The following SEMA3C variants were observed in gnomAD, a reference collection of about 807,000 sequenced individuals.
SEMA3C encodes the protein semaphorin 3C.
A neutral mutation model predicts 89.4 loss-of-function variants in SEMA3C; 47 were observed. That is an observed-to-expected ratio of 0.53 (90% CI 0.42 to 0.67). The LOEUF is 0.67. SEMA3C is among the 30% of genes least tolerant of loss of function. SEMA3C has a pLI of 0.00. For synonymous variants in SEMA3C, 310 were observed against 320.2 expected, an observed-to-expected ratio of 0.97 and a Z score of 0.34; for missense variants, 839 against 929.1, an observed-to-expected ratio of 0.90 and a Z score of 1.26.
At chr7:80,864,463 C>T (rs890277328) in intron 2 of SEMA3C, among the ~76,000 whole-genome samples, 3 of 151,902 alleles carry the variant, frequency 2.0e-5, no homozygotes, top group Admixed American at 6.6e-5. Flanking sequence ...AGTTTTTATT[C>T]AATATTTAAC....
At chr7:80,900,825 A>G (rs929140370) in intron 2 of SEMA3C, among the ~76,000 whole-genome samples, 18 of 152,382 alleles carry the variant, frequency 1.2e-4, no homozygotes, top group African/African-American at 4.1e-4. Context: ...ATTGTACAAC[A>G]CTATAAATAC....
intron 2 of SEMA3C, among the ~76,000 whole-genome samples, chr7:80,858,234 A>C (rs997135200): frequency 2.0e-5 from 3 of 152,128 alleles, no homozygotes; most frequent in Non-Finnish European, 4.4e-5. Flanking sequence ...ACTAGATCAC[A>C]GTTTCTTTGG....
chr7:80,754,734 A>G (rs12706974), intron 15 of SEMA3C, among the ~76,000 whole-genome samples: 58,395 of 151,820 alleles, frequency 0.38, 11,430 homozygotes, highest in East Asian at 0.48. Context: ...TTTTCATGAC[A>G]GAATTAAGGC....
At chr7:80,799,951 A>T (rs1336899216) in intron 10 of SEMA3C, among the ~76,000 whole-genome samples, 2 of 151,846 alleles carry the variant, frequency 1.3e-5, no homozygotes, top group Non-Finnish European at 2.9e-5. Context: ...GGAGATCAAG[A>T]CCATCCTGCC....
chr7:80,849,562 AAAAG>A (rs1299048000), intron 2 of SEMA3C, among the ~76,000 whole-genome samples: 3 of 152,198 alleles, frequency 2.0e-5, no homozygotes, highest in African/African-American at 7.2e-5. Flanking sequence ...TGAAGGATCA[AAAAG>A]AAAGAAAATA....
chr7:80,758,488 G>T lies in SEMA3C; in HGVS notation c.1486C>A (p.Gln496Lys), dbSNP rs762241082. 1 of 1,613,092 alleles carries T rather than the reference G, an allele frequency of 6.2e-7. No homozygotes were observed. Residue 496 changes from glutamine to lysine, a missense_variant and splice_region_variant, in exon 15 of 18, where the codon CAA becomes AAA. Coordinates refer to ENST00000265361, the MANE Select transcript of SEMA3C (RefSeq NM_006379.5). ...TCATTGGAACTCACATACAACTGTT[G>T]CTATTAAAGGAATGATGATGATTTA... ...ITTMKISSKK[Q>K]QLYVSSNEGV...
chr7:80,811,547 A>G lies in SEMA3C; in HGVS notation c.448-846T>C, dbSNP rs187294624. Among the ~76,000 whole-genome samples, 150 of 152,006 alleles carry G rather than the reference A, an allele frequency of 9.9e-4. 1 individual carries two copies. Among genetic ancestry groups the G allele is most frequent in the East Asian group, 3.9e-4 (2 of 5,066 alleles). On this transcript the variant is annotated intron_variant, in intron 5 of 17. Coordinates refer to ENST00000265361, the MANE Select transcript of SEMA3C (RefSeq NM_006379.5). ...TAGTACAAGCCCCCTACCAAAATTC[A>G]AAGTAAAAAAAAAATGACCATTTTA...
intron 15 of SEMA3C, among the ~76,000 whole-genome samples, chr7:80,753,919 TAG>T (rs910948331): frequency 6.3e-5 from 9 of 143,448 alleles, no homozygotes; most frequent in South Asian, 4.6e-4. Context: ...TATTGTTTAC[TAG>T]AGTTTTGTTT....
intron 16 of SEMA3C, among the ~76,000 whole-genome samples, chr7:80,750,103 A>G (rs912512690): frequency 6.6e-6 from 1 of 152,046 alleles, no homozygotes; most frequent in Non-Finnish European, 1.5e-5. Context: ...GAAAGCACAG[A>G]CTCAAAAGGA....
intron 5 of SEMA3C, among the ~76,000 whole-genome samples, chr7:80,812,166 T>C (rs1462356899): frequency 2.6e-5 from 4 of 152,122 alleles, no homozygotes; most frequent in Non-Finnish European, 5.9e-5. Context: ...AGCTAATACA[T>C]AGTTGTTTGA....
chr7:80,902,797 G>A (rs532010959), intron 2 of SEMA3C, among the ~76,000 whole-genome samples: 1 of 152,140 alleles, frequency 6.6e-6, no homozygotes, highest in African/African-American at 2.4e-5. Context: ...AGAGGCCCAT[G>A]GGTATTTACA....
intron 12 of SEMA3C, among the ~76,000 whole-genome samples, chr7:80,780,348 C>T (rs1359318672): frequency 6.6e-6 from 1 of 152,110 alleles, no homozygotes; most frequent in Non-Finnish European, 1.5e-5. Flanking sequence ...GAATAAATGA[C>T]ATCTTTGTGA....
intron 2 of SEMA3C, among the ~76,000 whole-genome samples, chr7:80,912,884 G>A (rs1792184865): frequency 6.6e-6 from 1 of 152,078 alleles, no homozygotes; most frequent in Non-Finnish European, 1.5e-5. Context: ...TCATAAAGAG[G>A]CAATTTATTA....
intron 2 of SEMA3C, among the ~76,000 whole-genome samples, chr7:80,864,567 G>GA (rs928273070): frequency 1.4e-4 from 21 of 151,760 alleles, no homozygotes; most frequent in African/African-American, 3.9e-4. Flanking sequence ...CAATGTAGAA[G>GA]AAAAAAATAA....
At chr7:80,914,328 T>C (rs768181846) in intron 2 of SEMA3C, among the ~76,000 whole-genome samples, 1 of 152,130 alleles carries the variant, frequency 6.6e-6, no homozygotes, top group Non-Finnish European at 1.5e-5. Context: ...CTTGGTACAA[T>C]AGTCAATGAG....
chr7:80,772,688 G>C (rs368027262), intron 12 of SEMA3C, among the ~76,000 whole-genome samples: 2 of 151,538 alleles, frequency 1.3e-5, no homozygotes, highest in South Asian at 4.1e-4. Flanking sequence ...GGTTAAACTA[G>C]GTTAAACATG....
At position 80,818,316 on chromosome 7, in the gene SEMA3C, T is replaced by C; in HGVS notation, c.430A>G (p.Arg144Gly). 6.2e-7 allele frequency: 1 copy of C among 1,609,210 alleles called. No individual in the cohort carries two copies. Among genetic ancestry groups the C allele is most frequent in the Non-Finnish European group, 8.5e-7 (1 of 1,176,296 alleles). ...AFSPVCTYLN[R>G]GRRSEDQVFM... ...ATACTTACCTCTGATCTCCTCCCTC[T>C]GTTCAAGTAAGTACAGACAGGACTG... is the stretch of plus-strand genomic sequence containing the variant. The change falls in exon 5 of 18, where the codon AGA (arginine) becomes GGA (glycine). Residue 144 changes from arginine (R) to glycine (G), a missense_variant. Transcript: ENST00000265361.
intron 12 of SEMA3C, among the ~76,000 whole-genome samples, chr7:80,783,354 A>G (rs920829953): frequency 6.6e-6 from 1 of 152,008 alleles, no homozygotes; most frequent in Non-Finnish European, 1.5e-5. Context: ...ATCTCCCATC[A>G]ATTCAGCCAT....
intron 14 of SEMA3C, among the ~76,000 whole-genome samples, chr7:80,759,521 C>T (rs768922275): frequency 1.6e-4 from 25 of 152,136 alleles, no homozygotes; most frequent in Admixed American, 9.8e-4. Flanking sequence ...TAGGATAACA[C>T]AGCACTTACC....
Sources: allele counts gnomAD v4.1 joint callset (sites outside exome capture counted in the v4.1 genomes callset), GRCh38; gene constraint gnomAD v4.1.1; transcripts MANE v1.5; gene names NCBI Gene and HGNC (gene_info 2026-07-23, HGNC 2026-07-21).